Variants in APBA2 observed in about 807,000 individuals in gnomAD.
The protein encoded by APBA2 is amyloid-beta A4 precursor protein-binding family A member 2.
Under a neutral mutation model 75.0 loss-of-function variants are expected in APBA2, and 30 were observed. The observed-to-expected ratio is 0.40, with a 90% CI of 0.30 to 0.54. The LOEUF (loss-of-function observed/expected upper bound fraction) is 0.54, where lower values mean the gene tolerates loss of function less well. Ranked by LOEUF, APBA2 falls within the 20% of genes least tolerant of loss-of-function variation. The pLI is 0.49. For missense variants in APBA2, 801 were observed against 1,016.1 expected (o/e 0.79, Z 2.88); for synonymous variants, 444 against 409.6 (o/e 1.08, Z -1.01).
At chr15:29,109,451 G>A (rs2044614793) in intron 13 of APBA2, among the ~76,000 whole-genome samples, 1 of 152,196 alleles carries the variant, frequency 6.6e-6, no homozygotes, top group East Asian at 1.9e-4. Flanking sequence ...CGGTGGGGGT[G>A]AGCTTCACTC....
intron 10 of APBA2, among the ~76,000 whole-genome samples, chr15:29,103,950 C>T (rs2044267782): frequency 6.6e-6 from 1 of 152,220 alleles, no homozygotes; most frequent in Non-Finnish European, 1.5e-5. Flanking sequence ...GGGCGTCGCG[C>T]CTCCAGCTGG....
intron 1 of APBA2, among the ~76,000 whole-genome samples, chr15:28,893,554 G>T (rs1211884744): frequency 2.0e-5 from 3 of 152,222 alleles, no homozygotes; most frequent in African/African-American, 7.2e-5. Context: ...ATTGGGTGAA[G>T]TCGAGGTTTT....
At chr15:28,981,320 A>T (rs901649212) in intron 2 of APBA2, among the ~76,000 whole-genome samples, 2 of 152,226 alleles carry the variant, frequency 1.3e-5, no homozygotes, top group Non-Finnish European at 2.9e-5. Context: ...CAAGAACCAA[A>T]TAACCTCGTT....
Position 29,117,980 on chromosome 15 carries a change from A to C in APBA2, c.*847A>C, listed in dbSNP as rs1247531758. The C allele has an allele frequency of 6.6e-6, 1 of 152,428 alleles. No individual in the cohort carries two copies. Among genetic ancestry groups the C allele is most frequent in the Non-Finnish European group, 1.5e-5 (1 of 68,108 alleles). 9.4% of individuals were successfully genotyped at this position (152,428 alleles called of 1,614,324 possible). A position where few individuals can be genotyped will look rare whatever the true frequency, so the allele number is the denominator to read the frequency against. ...CGAGGAAACGAAACCCACTCTAGAA[A>C]ACGCGACCTTGGCCGCACCTAAAGC... On this transcript the variant is annotated 3_prime_UTR_variant, in exon 15 of 15. Transcript: ENST00000683413.
chr15:29,040,770 T>C (rs2040996994), intron 3 of APBA2, among the ~76,000 whole-genome samples: 1 of 152,202 alleles, frequency 6.6e-6, no homozygotes, highest in African/African-American at 2.4e-5. Flanking sequence ...ATTAAAGCGA[T>C]CTGGGATGCA....
intron 2 of APBA2, among the ~76,000 whole-genome samples, chr15:28,923,670 C>G (rs929258486): frequency 1.3e-5 from 2 of 152,166 alleles, no homozygotes; most frequent in African/African-American, 4.8e-5. Flanking sequence ...ACGTGGTGCC[C>G]TTTTGCCAGG....
At chr15:29,116,725 G>T (rs1385146438) in intron 14 of APBA2, among the ~76,000 whole-genome samples, 1 of 152,074 alleles carries the variant, frequency 6.6e-6, no homozygotes. Context: ...CCGAGGCCTG[G>T]CCACCCCCAG....
chr15:29,094,232 TTC>T, intron 7 of APBA2, 44 bp from the exon 8 acceptor site: 1 of 1,607,742 alleles, frequency 6.2e-7, no homozygotes, highest in Non-Finnish European at 8.5e-7. Flanking sequence ...CGCACCTTCC[TTC>T]TCTCTGTGCC....
intron 3 of APBA2, among the ~76,000 whole-genome samples, chr15:29,015,206 G>C (rs1011293721): frequency 2.0e-5 from 3 of 152,186 alleles, no homozygotes; most frequent in Admixed American, 2.0e-4. Flanking sequence ...TCTGAGTGCT[G>C]TTGGAGCTGA....
intron 3 of APBA2, among the ~76,000 whole-genome samples, chr15:29,023,905 ATTTT>A (rs200312116): frequency 3.7e-5 from 5 of 133,954 alleles, no homozygotes; most frequent in African/African-American, 8.2e-5. Context: ...CTTTTTGTCG[ATTTT>A]TTTTTTTTTT....
At chr15:28,902,285 G>A (rs981520665) in intron 1 of APBA2, among the ~76,000 whole-genome samples, 4 of 152,002 alleles carry the variant, frequency 2.6e-5, no homozygotes, top group South Asian at 2.1e-4. Flanking sequence ...TTCTGTATCC[G>A]TCCTCCCCCA....
chr15:29,107,280 G>T (rs950661569), intron 12 of APBA2, among the ~76,000 whole-genome samples: 1 of 152,306 alleles, frequency 6.6e-6, no homozygotes, highest in African/African-American at 2.4e-5. Flanking sequence ...CACCCTGACC[G>T]TCAGACTCGT....
intron 6 of APBA2, among the ~76,000 whole-genome samples, chr15:29,092,716 C>T (rs952596793): frequency 6.6e-6 from 1 of 152,104 alleles, no homozygotes; most frequent in African/African-American, 2.4e-5. Flanking sequence ...GCATGAGTTC[C>T]GGGGCTGTGG....
rs373259396 is a variant in APBA2, at chr15:28,956,222, G to T, written c.-95+34473G>T. ...TAGCCCTCCCAGCCCTCTGGGGCTT[G>T]CTGTCTCTAGGGCAGGCAGGGGCTG... is the stretch of plus-strand genomic sequence containing the variant. On this transcript the variant is annotated intron_variant, in intron 2 of 14. Coordinates refer to ENST00000683413, the MANE Select transcript of APBA2 (RefSeq NM_001353788.2). 3.9e-5 allele frequency among the ~76,000 whole-genome samples: 6 copies of T among 152,244 alleles called. 1 individual carries two copies. The highest frequency in any genetic ancestry group is 1.4e-4 in the African/African-American group (6 of 41,544).
At chr15:29,033,161 T>G (rs752073584) in intron 3 of APBA2, among the ~76,000 whole-genome samples, 4 of 152,106 alleles carry the variant, frequency 2.6e-5, no homozygotes, top group Non-Finnish European at 5.9e-5. Flanking sequence ...GTGCTGCAGG[T>G]GGAGAAGGTC....
chr15:29,107,173 G>A (rs1195991540), intron 12 of APBA2, among the ~76,000 whole-genome samples: 11 of 152,164 alleles, frequency 7.2e-5, no homozygotes, highest in African/African-American at 1.2e-4. Context: ...CTGAAAGTCC[G>A]GCTTCTGGGA....
chr15:29,102,317 CAG>C (rs1332336905), intron 10 of APBA2: 1 of 185,898 alleles, frequency 5.4e-6, no homozygotes, highest in African/African-American at 2.4e-5. Flanking sequence ...TGGAGGGGGA[CAG>C]AGGGGCTGAG....
chr15:28,933,350 A>G (rs906801290), intron 2 of APBA2, among the ~76,000 whole-genome samples: 6 of 152,254 alleles, frequency 3.9e-5, no homozygotes, highest in African/African-American at 1.4e-4. Context: ...CCATGTGAGG[A>G]CAGAGTGAGA....
intron 2 of APBA2, among the ~76,000 whole-genome samples, chr15:28,933,698 C>G (rs2034688064): frequency 6.6e-6 from 1 of 152,214 alleles, no homozygotes; most frequent in African/African-American, 2.4e-5. Flanking sequence ...AAGTCAGGGC[C>G]TGCTGGAGCC....
Sources: gnomAD v4.1 joint callset for allele counts (sites outside exome capture counted in the v4.1 genomes callset) on GRCh38, gnomAD v4.1.1 for gene constraint, MANE v1.5 for transcripts, NCBI Gene and HGNC (gene_info 2026-07-23, HGNC 2026-07-21) for gene names.